TRPC5: variants seen among roughly 807,000 people sequenced by gnomAD.
TRPC5 encodes the protein short transient receptor potential channel 5.
TRPC5 carries 9 observed loss-of-function variants against 56.5 expected under a neutral mutation model. That is an observed-to-expected ratio of 0.16 (90% confidence interval 0.10 to 0.28). The LOEUF is 0.28. Ranked by LOEUF, TRPC5 falls within the 10% of genes least tolerant of loss-of-function variation. The pLI is 1.00. For synonymous variants in TRPC5, 282 were observed against 278.5 expected (o/e 1.01, Z -0.13); for missense variants, 469 against 748.9 (o/e 0.63, Z 4.36).
chrX:112,063,708 G>T (rs1037497128), intron 1 of TRPC5, among the ~76,000 whole-genome samples: 1 of 112,320 alleles, frequency 8.9e-6, no homozygotes, highest in African/African-American at 3.2e-5. Flanking sequence ...GAAGAGATGT[G>T]AAAGATTAAA....
chrX:112,020,057 A>G (rs1929232848), intron 1 of TRPC5, among the ~76,000 whole-genome samples: 1 of 111,790 alleles, frequency 8.9e-6, no homozygotes, highest in African/African-American at 3.2e-5. Context: ...AACATTGAAT[A>G]TACTAGGTTT....
intron 1 of TRPC5, among the ~76,000 whole-genome samples, chrX:111,969,011 AAAAT>A (rs1927700547): frequency 2.0e-5 from 2 of 100,016 alleles, no homozygotes; most frequent in African/African-American, 7.8e-5. Flanking sequence ...AAAATAAAAT[AAAAT>A]AAAATAAAAA....
At chrX:112,027,788 G>A (rs1243075966) in intron 1 of TRPC5, among the ~76,000 whole-genome samples, 2 of 112,050 alleles carry the variant, frequency 1.8e-5, no homozygotes, top group African/African-American at 3.2e-5. Flanking sequence ...GAGCCACCGC[G>A]CCTGGCCGAG....
intron 1 of TRPC5, among the ~76,000 whole-genome samples, chrX:112,040,474 C>T (rs758395954): frequency 1.8e-5 from 2 of 111,510 alleles, no homozygotes; most frequent in African/African-American, 3.3e-5. Context: ...CTGATAAATA[C>T]GCATGTCACA....
intron 7 of TRPC5, among the ~76,000 whole-genome samples, chrX:111,828,023 T>C (rs1922292663): frequency 8.9e-6 from 1 of 112,062 alleles, no homozygotes; most frequent in Admixed American, 9.5e-5. Flanking sequence ...AGCTCTTATC[T>C]GGAGGCTCTG....
At chrX:111,825,931 G>T (rs1408939232) in intron 7 of TRPC5, among the ~76,000 whole-genome samples, 1 of 112,111 alleles carries the variant, frequency 8.9e-6, no homozygotes, top group African/African-American at 3.2e-5. Context: ...CCATCTGATT[G>T]GTTGAATCTG....
intron 6 of TRPC5, among the ~76,000 whole-genome samples, chrX:111,841,162 G>A (rs936826254): frequency 8.9e-6 from 1 of 112,247 alleles, no homozygotes; most frequent in Non-Finnish European, 1.9e-5. Context: ...GCTGAATGAT[G>A]GGTGGAGAAA....
chrX:111,940,689 TAAAA>T (rs781266805), intron 2 of TRPC5, among the ~76,000 whole-genome samples: 1 of 70,315 alleles, frequency 1.4e-5, no homozygotes. Flanking sequence ...GGACTACGTC[TAAAA>T]AAAAAAAAAA....
intron 1 of TRPC5, among the ~76,000 whole-genome samples, chrX:112,070,116 G>A (rs991795329): frequency 2.7e-5 from 3 of 112,153 alleles, no homozygotes; most frequent in Admixed American, 9.4e-5. Context: ...ATAAAGATGA[G>A]CAAGCTGCAG....
chrX:111,933,166 G>A (rs1569528269), intron 2 of TRPC5, among the ~76,000 whole-genome samples: 1 of 112,057 alleles, frequency 8.9e-6, no homozygotes, highest in Non-Finnish European at 1.9e-5. Context: ...GTTAGCATAT[G>A]GAAATAAATC....
chrX:111,928,553 A>G (rs1334490417), intron 2 of TRPC5, among the ~76,000 whole-genome samples: 3 of 112,027 alleles, frequency 2.7e-5, no homozygotes, highest in African/African-American at 6.5e-5. Context: ...TCAATAGTGC[A>G]GTCTCAAGCA....
intron 3 of TRPC5, among the ~76,000 whole-genome samples, chrX:111,896,791 C>A (rs888872503): frequency 1.8e-5 from 2 of 111,976 alleles, no homozygotes; most frequent in African/African-American, 3.2e-5. Flanking sequence ...GAAGTCCGAC[C>A]TGGGCTGACA....
intron 3 of TRPC5, among the ~76,000 whole-genome samples, chrX:111,890,444 G>T (rs955273886): frequency 1.8e-5 from 2 of 112,017 alleles, no homozygotes; most frequent in Non-Finnish European, 3.8e-5. Context: ...AGGCTTTAAG[G>T]TATATGAGGG....
At chrX:111,869,190 G>A (rs1178785475) in intron 3 of TRPC5, among the ~76,000 whole-genome samples, 1 of 103,400 alleles carries the variant, frequency 9.7e-6, no homozygotes, top group African/African-American at 3.6e-5. Flanking sequence ...GCAGACATTT[G>A]AGATCAAGAA....
intron 1 of TRPC5, among the ~76,000 whole-genome samples, chrX:112,001,227 G>A (rs1928687363): frequency 8.9e-6 from 1 of 111,812 alleles, no homozygotes; most frequent in South Asian, 3.8e-4. Flanking sequence ...GTAGAATGAA[G>A]TGCTTTGAAC....
At chrX:111,859,994 C>T (rs1036985003) in intron 3 of TRPC5, among the ~76,000 whole-genome samples, 19 of 112,957 alleles carry the variant, frequency 1.7e-4, no homozygotes, top group African/African-American at 2.6e-4. Context: ...CTGCAAGCTC[C>T]GCCTCCTGGG....
At chrX:112,042,431 T>C (rs16986746) in intron 1 of TRPC5, among the ~76,000 whole-genome samples, 28,190 of 111,196 alleles carry the variant, frequency 0.25, 4,571 homozygotes, top group African/African-American at 0.6. Flanking sequence ...AACTGTCTTC[T>C]TCTATGTGGG....
chrX:111,770,579 C>T lies in TRPC5; in HGVS notation c.*5734G>A, dbSNP rs182483859. ...AACTGACAATTTGGTGGTTTAGCCC[C>T]GTGTTTTAAAGTGTATATCCTCACT... On this transcript the variant is annotated 3_prime_UTR_variant, in exon 11 of 11. Coordinates refer to ENST00000262839, the MANE Select transcript of TRPC5 (RefSeq NM_012471.3). 9.0e-5 allele frequency among the ~76,000 whole-genome samples: 10 copies of T among 111,594 alleles called. No homozygotes were observed. Among genetic ancestry groups the T allele is most frequent in the African/African-American group, 3.3e-4 (10 of 30,766 alleles).
chrX:111,882,840 C>T (rs1012716697), intron 3 of TRPC5, among the ~76,000 whole-genome samples: 2 of 112,110 alleles, frequency 1.8e-5, no homozygotes, highest in Non-Finnish European at 3.8e-5. Flanking sequence ...AATCCCAGCA[C>T]TTTGGGAGGC....
Sources: gnomAD v4.1 joint callset for allele counts (sites outside exome capture counted in the v4.1 genomes callset) on GRCh38, gnomAD v4.1.1 for gene constraint, MANE v1.5 for transcripts, NCBI Gene and HGNC (gene_info 2026-07-23, HGNC 2026-07-21) for gene names.